Variants in ANKRD55 observed in about 807,000 individuals in gnomAD.
ANKRD55 encodes ankyrin repeat domain 55.
A neutral mutation model predicts 60.6 loss-of-function variants in ANKRD55; 41 were observed. That is an observed-to-expected ratio of 0.68 (90% confidence interval 0.53 to 0.88). The LOEUF (loss-of-function observed/expected upper bound fraction) is 0.88, where lower values mean the gene tolerates loss of function less well. Ranked by LOEUF, ANKRD55 falls within the 40% of genes least tolerant of loss-of-function variation. The pLI is 0.00. For synonymous variants in ANKRD55, 264 were observed against 290.3 expected (o/e 0.91, Z 0.92); for missense variants, 732 against 767.6 (o/e 0.95, Z 0.55).
At chr5:56,173,509 A>G (rs763042580) in intron 4 of ANKRD55, among the ~76,000 whole-genome samples, 69 of 141,390 alleles carry the variant, frequency 4.9e-4, no homozygotes, top group Non-Finnish European at 6.4e-4. Context: ...CAATTCTTAT[A>G]TATCAAATAA....
intron 5 of ANKRD55, among the ~76,000 whole-genome samples, chr5:56,168,853 C>T (rs1758544807): frequency 6.6e-6 from 1 of 152,184 alleles, no homozygotes; most frequent in Non-Finnish European, 1.5e-5. Flanking sequence ...GGTTACATGT[C>T]TGATAAACTT....
At chr5:56,212,005 A>G (rs1375921727) in intron 2 of ANKRD55, among the ~76,000 whole-genome samples, 3 of 151,936 alleles carry the variant, frequency 2.0e-5, no homozygotes, top group Non-Finnish European at 4.4e-5. Context: ...AAAAAAAGTA[A>G]AATTTTTAAA....
chr5:56,103,143 C>T (rs1344909283), intron 10 of ANKRD55, among the ~76,000 whole-genome samples: 2 of 152,240 alleles, frequency 1.3e-5, no homozygotes, highest in African/African-American at 4.8e-5. Flanking sequence ...AATCATTGAC[C>T]TGGAAGACGG....
chr5:56,182,294 T>C (rs1303031734), intron 3 of ANKRD55, among the ~76,000 whole-genome samples: 1 of 152,180 alleles, frequency 6.6e-6, no homozygotes, highest in East Asian at 1.9e-4. Context: ...AGATTACCTA[T>C]TTCTTATTGG....
intron 2 of ANKRD55, among the ~76,000 whole-genome samples, chr5:56,184,980 C>T (rs376134835): frequency 1.1e-4 from 16 of 150,602 alleles, no homozygotes; most frequent in South Asian, 4.2e-4. Context: ...CAGCACTGTG[C>T]GAGGCCGAGG....
intron 5 of ANKRD55, among the ~76,000 whole-genome samples, chr5:56,169,248 A>G (rs925186223): frequency 6.6e-6 from 1 of 152,228 alleles, no homozygotes; most frequent in Non-Finnish European, 1.5e-5. Context: ...GGCTCTTTTA[A>G]TCTTCCAGAA....
chr5:56,155,059 C>G (rs757661864), intron 6 of ANKRD55, among the ~76,000 whole-genome samples: 1 of 151,800 alleles, frequency 6.6e-6, no homozygotes, highest in Non-Finnish European at 1.5e-5. Context: ...TAGGAAGACC[C>G]CTGTCTCTAC....
chr5:56,118,588 C>T (rs1365856608), intron 8 of ANKRD55, among the ~76,000 whole-genome samples: 1 of 151,988 alleles, frequency 6.6e-6, no homozygotes, highest in African/African-American at 2.4e-5. Context: ...CATGCCACTG[C>T]ACTCCAGCCT....
chr5:56,115,212 AAT>A (rs768755004), intron 9 of ANKRD55, among the ~76,000 whole-genome samples: 5,071 of 46,672 alleles, frequency 0.11, 122 homozygotes, highest in Middle Eastern at 0.3. Context: ...AAATAATAAT[AAT>A]AATAAATAAA....
chr5:56,186,424 G>C (rs185070447), intron 2 of ANKRD55, among the ~76,000 whole-genome samples: 132 of 152,278 alleles, frequency 8.7e-4, no homozygotes, highest in African/African-American at 3.2e-3. Flanking sequence ...AAAGTGCTGT[G>C]ATTTATAGGC....
intron 2 of ANKRD55, among the ~76,000 whole-genome samples, chr5:56,190,249 GC>G (rs1383624887): frequency 2.0e-5 from 3 of 152,072 alleles, no homozygotes; most frequent in Non-Finnish European, 4.4e-5. Context: ...TATATGATTT[GC>G]AAATATTTTC....
chr5:56,127,185 C>T, intron 7 of ANKRD55, 79 bp from the exon 8 acceptor site: 1 of 1,292,392 alleles, frequency 7.7e-7, no homozygotes, highest in South Asian at 3.1e-5. Context: ...GATAAAAATA[C>T]AAAGGAAAAA....
intron 2 of ANKRD55, among the ~76,000 whole-genome samples, chr5:56,227,237 G>C (rs112847547): frequency 6.6e-6 from 1 of 150,510 alleles, no homozygotes; most frequent in East Asian, 2.0e-4. Context: ...CTATCGCAAG[G>C]ACAGAAAACC....
Position 56,111,391 on chromosome 5 carries a change from C to G in ANKRD55, c.1357G>C (p.Ala453Pro). Residue 453 changes from alanine (A) to proline (P), a missense_variant, in exon 10 of 12, where the codon GCC becomes CCC. Physicochemically the swap from Ala to Pro is conservative, Grantham distance 27 (BLOSUM62 -1). This residue lies in a region of ANKRD55 where 597 missense variants were observed against 607.5 expected (regional missense o/e 0.98). Coordinates refer to ENST00000341048, the MANE Select transcript of ANKRD55 (RefSeq NM_024669.3). ...GAGCTCAGGCCTGCATGGGAAGTGG[C>G]CCTATGGGAGGCTGTTAGGAAGTTA... ...GNNFLTASHR[A>P]TSHAGLSSAP... 1 of 1,614,098 alleles carries G rather than the reference C, an allele frequency of 6.2e-7. No homozygotes were observed. The highest frequency in any genetic ancestry group is 8.5e-7 in the Non-Finnish European group (1 of 1,180,036).
chr5:56,228,515 T>C (rs1258395132), intron 2 of ANKRD55, among the ~76,000 whole-genome samples: 3 of 151,418 alleles, frequency 2.0e-5, no homozygotes, highest in African/African-American at 7.3e-5. Flanking sequence ...AACCTCCGCC[T>C]CCTGAGTTCA....
intron 2 of ANKRD55, among the ~76,000 whole-genome samples, chr5:56,222,645 G>C (rs1759996783): frequency 6.6e-6 from 1 of 152,144 alleles, no homozygotes; most frequent in African/African-American, 2.4e-5. Flanking sequence ...AAATAGCGTA[G>C]AGAAGACCTT....
intron 5 of ANKRD55, among the ~76,000 whole-genome samples, chr5:56,169,428 CTT>C (rs59911045): frequency 0.25 from 35,663 of 144,170 alleles, 8,710 homozygotes; most frequent in African/African-American, 0.62. Flanking sequence ...TGGGGTCATT[CTT>C]TTTTTTTTTT....
chr5:56,137,017 A>G (rs1392432118), intron 7 of ANKRD55: 2 of 713,170 alleles, frequency 2.8e-6, no homozygotes, highest in Non-Finnish European at 5.2e-6. Flanking sequence ...GCCCCACAAA[A>G]TCATGCAAAT....
chr5:56,215,556 C>T (rs781574759), intron 2 of ANKRD55, among the ~76,000 whole-genome samples: 1 of 152,200 alleles, frequency 6.6e-6, no homozygotes, highest in Non-Finnish European at 1.5e-5. Flanking sequence ...CCACCATCAC[C>T]TTTTCCTTCT....
Sources: gnomAD v4.1 joint callset for allele counts (sites outside exome capture counted in the v4.1 genomes callset) on GRCh38, gnomAD v4.1.1 for gene constraint, gnomAD v4.1.1 regional missense constraint, MANE v1.5 for transcripts, NCBI Gene and HGNC (gene_info 2026-07-23, HGNC 2026-07-21) for gene names.